Variants in NELL1 observed in about 807,000 individuals in gnomAD.
NELL1 encodes neural EGFL like 1, also known as protein kinase C-binding protein NELL1.
Under a neutral mutation model 107.4 loss-of-function variants are expected in NELL1, and 76 were observed. That is an observed-to-expected ratio of 0.71 (90% confidence interval 0.59 to 0.86). The LOEUF (loss-of-function observed/expected upper bound fraction) is 0.86. Ranked by LOEUF, NELL1 falls within the 40% of genes least tolerant of loss-of-function variation. The pLI, the probability that NELL1 is intolerant of heterozygous loss-of-function variation, is 0.00. For missense variants in NELL1, 1,024 were observed against 1,005.5 expected (o/e 1.02, Z -0.25); for synonymous variants, 353 against 341.2 (o/e 1.03, Z -0.38).
rs1338442786 is a variant in NELL1, at chr11:20,847,737, C to T, written c.490C>T (p.His164Tyr). The change falls in exon 4 of 20, where the codon CAT becomes TAT. Residue 164 changes from histidine (H) to tyrosine (Y), a missense_variant. Physicochemically the swap from His to Tyr is moderately conservative, Grantham distance 83. Transcript: ENST00000357134. The stretch of plus-strand genomic sequence containing the variant: ...AGTTAGCGCCTCTCATCTCCTGCTC[C>T]ATGTCGACTGTAACAGGTATTTCTT... ...LSVSASHLLL[H>Y]VDCNRIYERV... The T allele has an allele frequency of 6.2e-7, 1 of 1,611,922 alleles. No homozygotes were observed. The highest frequency in any genetic ancestry group is 1.7e-4 in the Middle Eastern group (1 of 6,048).
intron 7 of NELL1, among the ~76,000 whole-genome samples, chr11:20,925,069 G>A (rs879858875): frequency 5.9e-5 from 9 of 152,182 alleles, no homozygotes; most frequent in East Asian, 1.9e-4. Context: ...ATGTGCATAC[G>A]TTATATGCAA....
At chr11:20,764,041 A>G (rs1205429888) in intron 2 of NELL1, among the ~76,000 whole-genome samples, 2 of 152,184 alleles carry the variant, frequency 1.3e-5, no homozygotes, top group Admixed American at 6.5e-5. Flanking sequence ...CTGTGGGAAT[A>G]TGGGCTCTGC....
chr11:21,358,696 C>A (rs967873247), intron 14 of NELL1, among the ~76,000 whole-genome samples: 1 of 148,904 alleles, frequency 6.7e-6, no homozygotes, highest in Non-Finnish European at 1.5e-5. Flanking sequence ...GGATTACAGG[C>A]GTGACCCACC....
At chr11:20,860,061 G>A (rs1357734570) in intron 4 of NELL1, among the ~76,000 whole-genome samples, 2 of 152,084 alleles carry the variant, frequency 1.3e-5, no homozygotes, top group Non-Finnish European at 2.9e-5. Flanking sequence ...ATTGGTTTCT[G>A]CCTTTTTCTG....
chr11:21,485,440 C>A (rs1267816542), intron 15 of NELL1, among the ~76,000 whole-genome samples: 1 of 150,524 alleles, frequency 6.6e-6, no homozygotes, highest in Non-Finnish European at 1.5e-5. Context: ...CTGCACCAGT[C>A]CAAGTTCACA....
At chr11:20,692,871 A>G (rs1232842741) in intron 2 of NELL1, among the ~76,000 whole-genome samples, 1 of 152,092 alleles carries the variant, frequency 6.6e-6, no homozygotes, top group African/African-American at 2.4e-5. Context: ...GATCTGTCTA[A>G]TGTTGACAGT....
intron 2 of NELL1, among the ~76,000 whole-genome samples, chr11:20,763,685 T>G (rs1469341555): frequency 6.6e-6 from 1 of 152,230 alleles, no homozygotes; most frequent in Admixed American, 6.5e-5. Flanking sequence ...ATGCCAAAAG[T>G]GCTCTGCCGA....
At chr11:21,285,208 T>C (rs1250440463) in intron 14 of NELL1, among the ~76,000 whole-genome samples, 1 of 152,158 alleles carries the variant, frequency 6.6e-6, no homozygotes, top group African/African-American at 2.4e-5. Flanking sequence ...ATTGAGGACA[T>C]TCTTATCTAT....
intron 12 of NELL1, among the ~76,000 whole-genome samples, chr11:21,069,499 G>A (rs1274293308): frequency 1.3e-5 from 2 of 152,108 alleles, no homozygotes; most frequent in Non-Finnish European, 2.9e-5. Flanking sequence ...TGGCACTCTG[G>A]AGGGAGGAGG....
chr11:21,463,376 A>G (rs535059220), intron 15 of NELL1, among the ~76,000 whole-genome samples: 16 of 152,246 alleles, frequency 1.1e-4, no homozygotes, highest in Middle Eastern at 3.4e-3. Context: ...GCCTCACCTC[A>G]GGCTGCCTCA....
chr11:21,525,113 T>C (rs1186679128), intron 15 of NELL1, among the ~76,000 whole-genome samples: 1 of 152,128 alleles, frequency 6.6e-6, no homozygotes. Context: ...TGGGTTCTTT[T>C]AGGAAGAATT....
intron 12 of NELL1, among the ~76,000 whole-genome samples, chr11:21,009,245 C>T (rs75166207): frequency 0.028 from 4,214 of 152,224 alleles, 158 homozygotes; most frequent in African/African-American, 0.087. Flanking sequence ...TATGTTGTTT[C>T]ACATCAACTT....
intron 16 of NELL1, among the ~76,000 whole-genome samples, chr11:21,555,240 A>G (rs1313129313): frequency 6.6e-6 from 1 of 151,868 alleles, no homozygotes; most frequent in African/African-American, 2.4e-5. Flanking sequence ...TGAAGAGGGC[A>G]ATATTATATT....
rs76219761 is a variant in NELL1, at chr11:21,189,102, G to A, written c.1427-40230G>A. Reference sequence around the variant, plus strand: ...ATATATTCAACTGCCACTTGCATTTGTCACTCAATGTCATTGAGATTTATC... The same window carrying A: ...ATATATTCAACTGCCACTTGCATTTATCACTCAATGTCATTGAGATTTATC... On this transcript the variant is annotated intron_variant, in intron 13 of 19. Transcript: ENST00000357134. Among the ~76,000 whole-genome samples, 413 of 151,902 alleles carry A rather than the reference G, an allele frequency of 2.7e-3. 2 individuals are homozygous for A. Among genetic ancestry groups the A allele is most frequent in the Non-Finnish European group, 4.7e-3 (323 of 68,014 alleles).
At chr11:21,448,205 T>G (rs1476882990) in intron 15 of NELL1, among the ~76,000 whole-genome samples, 1 of 152,138 alleles carries the variant, frequency 6.6e-6, no homozygotes, top group East Asian at 1.9e-4. Flanking sequence ...AGGTGTTTTT[T>G]TGTGTGTGGG....
intron 14 of NELL1, among the ~76,000 whole-genome samples, chr11:21,299,110 T>A (rs1204482605): frequency 6.6e-6 from 1 of 151,986 alleles, no homozygotes; most frequent in Non-Finnish European, 1.5e-5. Flanking sequence ...GGATCCCCAC[T>A]GAGTTGATAA....
intron 12 of NELL1, among the ~76,000 whole-genome samples, chr11:21,054,048 G>A (rs925100528): frequency 3.3e-5 from 5 of 151,990 alleles, no homozygotes; most frequent in African/African-American, 1.2e-4. Context: ...TTTCATTACA[G>A]AAAAGTTGGA....
At chr11:21,283,080 A>G (rs1849034483) in intron 14 of NELL1, among the ~76,000 whole-genome samples, 1 of 152,146 alleles carries the variant, frequency 6.6e-6, no homozygotes, top group African/African-American at 2.4e-5. Context: ...TACAAAAACT[A>G]GAAAGAATGA....
intron 2 of NELL1, among the ~76,000 whole-genome samples, chr11:20,741,379 G>A (rs935904746): frequency 6.6e-6 from 1 of 152,080 alleles, no homozygotes. Flanking sequence ...GTGTCATACT[G>A]TGTCACCTGG....
Sources: allele counts gnomAD v4.1 joint callset (sites outside exome capture counted in the v4.1 genomes callset), GRCh38; gene constraint gnomAD v4.1.1; transcripts MANE v1.5; gene names NCBI Gene and HGNC (gene_info 2026-07-23, HGNC 2026-07-21).